SH3RF3: variants seen among roughly 807,000 people sequenced by gnomAD.
The protein encoded by SH3RF3 is E3 ubiquitin-protein ligase SH3RF3.
Under a neutral mutation model 66.3 loss-of-function variants are expected in SH3RF3, and 29 were observed. The ratio of observed to expected loss-of-function variants is 0.44; its 90% CI spans 0.33 to 0.60. The LOEUF is 0.60. Ranked by LOEUF, SH3RF3 falls within the 20% of genes least tolerant of loss-of-function variation. The probability of loss-of-function intolerance (pLI) is 0.04; values close to 1 mark genes in which losing one functional copy is unlikely to be tolerated. For synonymous variants in SH3RF3, 583 were observed against 532.0 expected, an observed-to-expected ratio of 1.10 and a Z score of -1.32; for missense variants, 1,194 against 1,190.9, an observed-to-expected ratio of 1.00 and a Z score of -0.04.
At chr2:109,137,956 G>A (rs1043168939) in intron 1 of SH3RF3, among the ~76,000 whole-genome samples, 5 of 152,254 alleles carry the variant, frequency 3.3e-5, no homozygotes, top group East Asian at 1.9e-4. Flanking sequence ...TGGAGGTGTT[G>A]CCTGTGTGGA....
chr2:109,491,913 G>T lies in SH3RF3; in HGVS notation c.2480+977G>T, dbSNP rs189724252. Among the ~76,000 whole-genome samples, 3 of 152,298 alleles carry T rather than the reference G, an allele frequency of 2.0e-5. No homozygotes were observed. The East Asian group carries it at 5.8e-4, about 29-fold the overall frequency. ...CTGAACACCTGCTGCCCTCCCAGAC[G>T]CCATTCCCAGTGCCAGGTGGGGAAT... On this transcript the variant is annotated intron_variant, in intron 9 of 9. Coordinates refer to ENST00000309415, the MANE Select transcript of SH3RF3 (RefSeq NM_001099289.3).
intron 1 of SH3RF3, among the ~76,000 whole-genome samples, chr2:109,315,412 ATC>A (rs1438546785): frequency 6.6e-6 from 1 of 152,226 alleles, no homozygotes; most frequent in African/African-American, 2.4e-5. Flanking sequence ...CTCTGTCCCT[ATC>A]TCTGTAGGAT....
At position 109,482,669 on chromosome 2, in the gene SH3RF3, G is replaced by C. The variant is rs534861219; in HGVS notation, c.2149-7936G>C. On this transcript the variant is annotated intron_variant, in intron 8 of 9. Transcript: ENST00000309415. ...AAATGGTAATAATCCTGATGCCCAG[G>C]GCTCAGCTTCCAAGAACAAGGATGC... is the stretch of plus-strand genomic sequence containing the variant. Among the ~76,000 whole-genome samples the C allele has an allele frequency of 2.6e-5, 4 of 152,274 alleles. No homozygotes were observed. In the South Asian group the frequency reaches 8.3e-4, roughly 32 times the overall value.
At chr2:109,232,535 T>C (rs1679538967) in intron 1 of SH3RF3, among the ~76,000 whole-genome samples, 1 of 152,192 alleles carries the variant, frequency 6.6e-6, no homozygotes, top group Non-Finnish European at 1.5e-5. Flanking sequence ...GCGTCTCCCA[T>C]GCTGTAATGT....
chr2:109,356,311 C>T (rs985724752), intron 2 of SH3RF3, among the ~76,000 whole-genome samples: 3 of 152,122 alleles, frequency 2.0e-5, no homozygotes, highest in Non-Finnish European at 4.4e-5. Context: ...CCAGAATTTC[C>T]CACATTGATA....
At chr2:109,238,252 A>G (rs1458918013) in intron 1 of SH3RF3, among the ~76,000 whole-genome samples, 1 of 152,164 alleles carries the variant, frequency 6.6e-6, no homozygotes, top group Non-Finnish European at 1.5e-5. Context: ...TTCAATAGAA[A>G]AGTGTTGGCT....
At position 109,340,144 on chromosome 2, in the gene SH3RF3, T is replaced by C. The variant is rs566611577; in HGVS notation, c.574-7530T>C. 3.3e-5 allele frequency among the ~76,000 whole-genome samples: 5 copies of C among 152,264 alleles called. No individual in the cohort carries two copies. The South Asian group carries it at 1.0e-3, about 32-fold the overall frequency. ...TGAGTTACTTTGAGGGGGTGATGTGTGTAGCTGGCAGTGCACAGGTTGGGA... is the reference window on the plus strand; with the variant it reads ...TGAGTTACTTTGAGGGGGTGATGTGCGTAGCTGGCAGTGCACAGGTTGGGA... On this transcript the variant is annotated intron_variant, in intron 1 of 9. Transcript: ENST00000309415.
Position 109,135,003 on chromosome 2 carries a change from C to T in SH3RF3, c.573+4890C>T, listed in dbSNP as rs181623668. Among the ~76,000 whole-genome samples the T allele has an allele frequency of 7.2e-5, 11 of 152,344 alleles. No homozygotes were observed. In the East Asian group the frequency reaches 2.1e-3, roughly 29 times the overall value. ...ACCCAGCAGCTCTGTGCTCTCCTCA[C>T]TGATCCATACTTGGTCTGCCCTTCT... On this transcript the variant is annotated intron_variant, in intron 1 of 9. Transcript: ENST00000309415.
chr2:109,436,778 C>A, intron 6 of SH3RF3, 115 bp from the exon 7 acceptor site: 1 of 1,441,376 alleles, frequency 6.9e-7, no homozygotes, highest in Non-Finnish European at 9.3e-7. Flanking sequence ...GTCCCCAGAT[C>A]AGTTGGCCTT....
At chr2:109,276,228 C>T (rs1006020698) in intron 1 of SH3RF3, among the ~76,000 whole-genome samples, 6 of 152,196 alleles carry the variant, frequency 3.9e-5, no homozygotes, top group African/African-American at 1.2e-4. Flanking sequence ...TGAGTCTGAA[C>T]GTCCCTGGAG....
intron 1 of SH3RF3, among the ~76,000 whole-genome samples, chr2:109,258,552 A>T (rs1680275282): frequency 6.6e-6 from 1 of 152,018 alleles, no homozygotes; most frequent in Admixed American, 6.6e-5. Flanking sequence ...GGTGCCACCA[A>T]TCCTTGTCCT....
At chr2:109,458,202 C>A (rs1458192772) in intron 8 of SH3RF3, among the ~76,000 whole-genome samples, 1 of 152,170 alleles carries the variant, frequency 6.6e-6, no homozygotes, top group Non-Finnish European at 1.5e-5. Flanking sequence ...TCCTTCCAGG[C>A]CGCATCTTAC....
intron 3 of SH3RF3, among the ~76,000 whole-genome samples, chr2:109,378,482 G>A (rs1683441511): frequency 6.6e-6 from 1 of 152,206 alleles, no homozygotes; most frequent in Non-Finnish European, 1.5e-5. Context: ...TTATGGAGCT[G>A]TGTGATGCTT....
At position 109,456,006 on chromosome 2, in the gene SH3RF3, C is replaced by T. The variant is rs575446074; in HGVS notation, c.2148+6517C>T. 2.0e-4 allele frequency among the ~76,000 whole-genome samples: 30 copies of T among 152,366 alleles called. No homozygotes were observed. In the East Asian group the frequency reaches 5.6e-3, roughly 28 times the overall value. On this transcript the variant is annotated intron_variant, in intron 8 of 9. Transcript: ENST00000309415. ...CAGGTCTTAGGGGAGACCTGCCCTG[C>T]AGCCTGCTCACGGAGCCCCTTGGCC...
chr2:109,263,715 C>T (rs527763483), intron 1 of SH3RF3, among the ~76,000 whole-genome samples: 44 of 152,210 alleles, frequency 2.9e-4, no homozygotes, highest in Non-Finnish European at 5.6e-4. Flanking sequence ...GCCTGTAATC[C>T]CAGCACTTTG....
At position 109,462,336 on chromosome 2, in the gene SH3RF3, T is replaced by A. The variant is rs1021769150; in HGVS notation, c.2148+12847T>A. 7.4e-4 allele frequency among the ~76,000 whole-genome samples: 112 copies of A among 152,158 alleles called. 2 individuals are homozygous for A. Among genetic ancestry groups the A allele is most frequent in the Non-Finnish European group, 4.1e-4 (28 of 68,008 alleles). ...CAGTCTTTACTAACAAAAAAAGCATTTGCCGAATTAATCACTGCATATCAG... is the reference window on the plus strand; with the variant it reads ...CAGTCTTTACTAACAAAAAAAGCATATGCCGAATTAATCACTGCATATCAG... On this transcript the variant is annotated intron_variant, in intron 8 of 9. Coordinates refer to ENST00000309415, the MANE Select transcript of SH3RF3 (RefSeq NM_001099289.3).
At chr2:109,161,708 G>A (rs985216766) in intron 1 of SH3RF3, among the ~76,000 whole-genome samples, 10 of 151,888 alleles carry the variant, frequency 6.6e-5, no homozygotes, top group Admixed American at 6.6e-5. Context: ...AGAGGAAGCC[G>A]GGAGCAGGAC....
chr2:109,179,108 T>C (rs1252065454), intron 1 of SH3RF3, among the ~76,000 whole-genome samples: 1 of 151,846 alleles, frequency 6.6e-6, no homozygotes, highest in Non-Finnish European at 1.5e-5. Flanking sequence ...CAGAAGAGTC[T>C]GTGAAATGTC....
intron 4 of SH3RF3, among the ~76,000 whole-genome samples, chr2:109,416,732 TACA>T (rs960965215): frequency 6.6e-6 from 1 of 151,488 alleles, no homozygotes; most frequent in African/African-American, 2.4e-5. Context: ...TCTGTCTCAA[TACA>T]ACAACAACAA....
Sources: allele counts gnomAD v4.1 joint callset (sites outside exome capture counted in the v4.1 genomes callset), GRCh38; gene constraint gnomAD v4.1.1; transcripts MANE v1.5; gene names NCBI Gene and HGNC (gene_info 2026-07-23, HGNC 2026-07-21).